The following ST8SIA4 variants were observed in gnomAD, a reference collection of about 807,000 sequenced individuals.
The protein encoded by ST8SIA4 is CMP-N-acetylneuraminate-poly-alpha-2,8-sialyltransferase.
Under a neutral mutation model 33.9 loss-of-function variants are expected in ST8SIA4, and 15 were observed. That is an observed-to-expected ratio of 0.44 (90% confidence interval 0.30 to 0.68). ST8SIA4 has a LOEUF of 0.68. Among genes scored for constraint, ST8SIA4 ranks in the 30% least tolerant of loss-of-function variants. ST8SIA4 has a pLI of 0.10. For missense variants in ST8SIA4, 321 were observed against 428.0 expected, an observed-to-expected ratio of 0.75 and a Z score of 2.21; for synonymous variants, 171 against 151.2, an observed-to-expected ratio of 1.13 and a Z score of -0.96.
chr5:100,830,236 C>G (rs956405129), intron 4 of ST8SIA4, among the ~76,000 whole-genome samples: 7 of 151,392 alleles, frequency 4.6e-5, no homozygotes, highest in African/African-American at 1.7e-4. Flanking sequence ...GGTGTAGACT[C>G]TGGAGCCAGA....
chr5:100,891,732 T>C (rs1211065049), intron 2 of ST8SIA4, among the ~76,000 whole-genome samples: 1 of 152,080 alleles, frequency 6.6e-6, no homozygotes, highest in Non-Finnish European at 1.5e-5. Context: ...ATTTTAATAA[T>C]ATACATTTGG....
intron 3 of ST8SIA4, among the ~76,000 whole-genome samples, chr5:100,873,411 C>CA (rs954570348): frequency 3.7e-4 from 56 of 150,372 alleles, no homozygotes; most frequent in East Asian, 5.8e-4. Context: ...CCAAAAGTGA[C>CA]AAAAAAAAAT....
intron 4 of ST8SIA4, among the ~76,000 whole-genome samples, chr5:100,844,596 T>G (rs1053335685): frequency 6.6e-6 from 1 of 151,980 alleles, no homozygotes; most frequent in African/African-American, 2.4e-5. Flanking sequence ...ATATTCTTTT[T>G]GATTTATTTT....
At position 100,808,291 on chromosome 5, in the gene ST8SIA4, T is replaced by C. The variant is rs1750735637; in HGVS notation, c.*3556A>G. On this transcript the variant is annotated 3_prime_UTR_variant, in exon 5 of 5. Transcript: ENST00000231461. ...TAGAAATTCCCATTAGTAATTGATA[T>C]ACAATTCATATGATATACAATACAT... is the stretch of plus-strand genomic sequence containing the variant. 6.6e-6 allele frequency: 1 copy of C among 152,652 alleles called. No homozygotes were observed. The highest frequency in any genetic ancestry group is 2.4e-5 in the African/African-American group (1 of 41,464). The allele number at this position is 152,652 out of a possible 1,614,324, so 9.5% of individuals were successfully genotyped here.
chr5:100,827,561 C>T (rs1010162902), intron 4 of ST8SIA4, among the ~76,000 whole-genome samples: 3 of 152,216 alleles, frequency 2.0e-5, no homozygotes, highest in Non-Finnish European at 4.4e-5. Context: ...AGTTTGAATG[C>T]TTTTCTCTGG....
chr5:100,886,650 G>C, intron 2 of ST8SIA4, 50 bp from the exon 3 acceptor site: 1 of 1,418,360 alleles, frequency 7.1e-7, no homozygotes, highest in South Asian at 1.2e-5. Flanking sequence ...GCATATCCAA[G>C]AACTGATGGT....
chr5:100,841,980 T>G (rs1288734339), intron 4 of ST8SIA4, among the ~76,000 whole-genome samples: 1 of 151,822 alleles, frequency 6.6e-6, no homozygotes, highest in Non-Finnish European at 1.5e-5. Flanking sequence ...TCTTTGGAGC[T>G]TCAGACCTAG....
At chr5:100,817,264 G>A (rs529431746) in intron 4 of ST8SIA4, among the ~76,000 whole-genome samples, 80 of 151,816 alleles carry the variant, frequency 5.3e-4, no homozygotes, top group African/African-American at 1.9e-3. Context: ...ACCGTGCCCA[G>A]CCAGATAATT....
At chr5:100,812,437 A>G (rs1217501698) in intron 4 of ST8SIA4, among the ~76,000 whole-genome samples, 1 of 152,162 alleles carries the variant, frequency 6.6e-6, no homozygotes, top group Non-Finnish European at 1.5e-5. Flanking sequence ...TAACATGCAG[A>G]GTAAAATTTT....
intron 3 of ST8SIA4, among the ~76,000 whole-genome samples, chr5:100,871,658 T>C (rs1335692515): frequency 6.6e-6 from 1 of 152,094 alleles, no homozygotes; most frequent in African/African-American, 2.4e-5. Flanking sequence ...GCTTTCCTTT[T>C]AGCCATGGCT....
Position 100,809,956 on chromosome 5 carries a change from G to A in ST8SIA4, c.*1891C>T, listed in dbSNP as rs1242163600. 1 of 98,056 alleles carries A rather than the reference G, an allele frequency of 1.0e-5. No individual in the cohort carries two copies. Among genetic ancestry groups the A allele is most frequent in the African/African-American group, 3.4e-5 (1 of 29,276 alleles). The allele number at this position is 98,056 out of a possible 1,614,324, so 6.1% of individuals were successfully genotyped here. A position where few individuals can be genotyped will look rare whatever the true frequency, so the allele number is the denominator to read the frequency against. ...ACTACTGTGAATATCCTTTTCCATG[G>A]TAACACACACACACACACACGTACT... On this transcript the variant is annotated 3_prime_UTR_variant, in exon 5 of 5. Transcript: ENST00000231461.
intron 3 of ST8SIA4, among the ~76,000 whole-genome samples, chr5:100,878,923 T>A (rs934125910): frequency 1.3e-5 from 2 of 152,194 alleles, no homozygotes; most frequent in African/African-American, 4.8e-5. Flanking sequence ...GTACCACATG[T>A]TTCGCTTGGT....
At chr5:100,872,257 C>G (rs1403148899) in intron 3 of ST8SIA4, among the ~76,000 whole-genome samples, 8 of 151,894 alleles carry the variant, frequency 5.3e-5, no homozygotes, top group Non-Finnish European at 2.9e-5. Flanking sequence ...TGGGGTACAG[C>G]ACGTATAGAT....
At chr5:100,882,675 A>G (rs1017465774) in intron 3 of ST8SIA4, among the ~76,000 whole-genome samples, 40 of 152,182 alleles carry the variant, frequency 2.6e-4, no homozygotes, top group South Asian at 4.1e-4. Flanking sequence ...GGCTGGGCCC[A>G]GGATCCCTGT....
At chr5:100,864,443 C>T (rs1031025306) in intron 3 of ST8SIA4, among the ~76,000 whole-genome samples, 24 of 151,808 alleles carry the variant, frequency 1.6e-4, no homozygotes, top group African/African-American at 4.6e-4. Flanking sequence ...GGCATGGTGG[C>T]GGGCGCCTGC....
At chr5:100,826,993 A>T (rs1419319395) in intron 4 of ST8SIA4, among the ~76,000 whole-genome samples, 2 of 151,354 alleles carry the variant, frequency 1.3e-5, no homozygotes, top group Non-Finnish European at 2.9e-5. Context: ...CACATCCCAT[A>T]GGAAGGAAAT....
chr5:100,884,060 C>A (rs1381144818), intron 3 of ST8SIA4, among the ~76,000 whole-genome samples: 1 of 151,966 alleles, frequency 6.6e-6, no homozygotes, highest in Non-Finnish European at 1.5e-5. Context: ...CTAGGAGCCA[C>A]AAAATATGGA....
intron 4 of ST8SIA4, among the ~76,000 whole-genome samples, chr5:100,832,146 T>C (rs2548277): frequency 0.94 from 142,978 of 152,186 alleles, 67,375 homozygotes; most frequent in Middle Eastern, 0.99. Context: ...CTCATTGACA[T>C]TTAAAGCAGA....
intron 4 of ST8SIA4, among the ~76,000 whole-genome samples, chr5:100,836,378 G>A (rs895975652): frequency 3.3e-5 from 5 of 152,132 alleles, no homozygotes; most frequent in African/African-American, 1.2e-4. Context: ...ACCACGTTGA[G>A]CTGGATCTCT....
Sources: allele counts gnomAD v4.1 joint callset (sites outside exome capture counted in the v4.1 genomes callset), GRCh38; gene constraint gnomAD v4.1.1; transcripts MANE v1.5; gene names NCBI Gene and HGNC (gene_info 2026-07-23, HGNC 2026-07-21).